FUT1: variants seen among roughly 807,000 people sequenced by gnomAD.
FUT1 encodes fucosyltransferase 1 (H blood group), also known as galactoside alpha-(1,2)-fucosyltransferase 1.
For missense variants in FUT1, 476 were observed against 492.7 expected (o/e 0.97, Z 0.32); for synonymous variants, 215 against 208.7 (o/e 1.03, Z -0.26).
chr19:48,748,655 CA>C lies in FUT1; in HGVS notation c.*1528del, dbSNP rs1295288067. On this transcript the variant is annotated 3_prime_UTR_variant, in exon 2 of 2. Coordinates refer to ENST00000645652, the MANE Select transcript of FUT1 (RefSeq NM_001384359.1). ...ACGTTCACATTTTAGCCTGTCTGCT[CA>C]AAACAAACAAAAAAAAGTCTTTGAG... The C allele has an allele frequency of 2.0e-5, 3 of 152,234 alleles. No individual in the cohort carries two copies. Among genetic ancestry groups the C allele is most frequent in the African/African-American group, 7.2e-5 (3 of 41,412 alleles). 9.4% of individuals were successfully genotyped at this position (152,234 alleles called of 1,614,324 possible).
rs2033957294 is a variant in FUT1 at position 48,749,307 on chromosome 19, A to T, written c.*877T>A. 1 of 138,458 alleles carries T rather than the reference A, an allele frequency of 7.2e-6. No individual in the cohort carries two copies. The highest frequency in any genetic ancestry group is 2.7e-5 in the African/African-American group (1 of 37,568). 8.6% of individuals were successfully genotyped at this position (138,458 alleles called of 1,614,324 possible). A position where few individuals can be genotyped will look rare whatever the true frequency, so the allele number is the denominator to read the frequency against. On this transcript the variant is annotated 3_prime_UTR_variant, in exon 2 of 2. Transcript: ENST00000645652. The stretch of plus-strand genomic sequence containing the variant: ...CTCCGTCTCAATAAATAAATAAATA[A>T]ATAAATAATTAAAAAAAAAATATCC...
In FUT1 at chr19:48,748,647, T is replaced by G. The variant is rs540089584; in HGVS notation, c.*1537A>C. 6.6e-6 allele frequency: 1 copy of G among 152,442 alleles called. No individual in the cohort carries two copies. The highest frequency in any genetic ancestry group is 1.5e-5 in the Non-Finnish European group (1 of 68,016). The allele number at this position is 152,442 out of a possible 1,614,324, so 9.4% of individuals were successfully genotyped here. On this transcript the variant is annotated 3_prime_UTR_variant, in exon 2 of 2. Coordinates refer to ENST00000645652, the MANE Select transcript of FUT1 (RefSeq NM_001384359.1). Reference sequence around the variant, plus strand: ...CTCACCCCACGTTCACATTTTAGCCTGTCTGCTCAAAACAAACAAAAAAAA... The same window carrying G: ...CTCACCCCACGTTCACATTTTAGCCGGTCTGCTCAAAACAAACAAAAAAAA...
Position 48,751,184 on chromosome 19 carries a change from G to A in FUT1, c.98C>T (p.Pro33Leu). The change falls in exon 2 of 2, where the codon CCA becomes CTA. Residue 33 changes from proline (P) to leucine (L), a missense_variant. Transcript: ENST00000645652. ...CAGGATCGACAGGCCTAGGCCATGT[G>A]GAAAGCTGTCTTGATGGATATGGAG... ...FFLHIHQDSF[P>L]HGLGLSILCP... 6.2e-7 allele frequency: 1 copy of A among 1,614,190 alleles called. No homozygotes were observed. The highest frequency in any genetic ancestry group is 1.6e-4 in the Middle Eastern group (1 of 6,062).
upstream of FUT1, chr19:48,753,717 AG>A (rs1389872206): frequency 6.4e-6 from 1 of 155,308 alleles, no homozygotes; most frequent in South Asian, 1.7e-4. Context: ...ATACAAGACA[AG>A]GGGGGGCAGG....
Position 48,751,099 on chromosome 19 carries a change from C to A in FUT1, c.183G>T (p.Ala61=). The A allele has an allele frequency of 1.2e-6, 2 of 1,612,590 alleles. No individual in the cohort carries two copies. Among genetic ancestry groups the A allele is most frequent in the Non-Finnish European group, 1.7e-6 (2 of 1,178,838 alleles). The change falls in exon 2 of 2, where the codon GCG becomes GCT. Residue 61 remains alanine, a synonymous_variant. Coordinates refer to ENST00000645652, the MANE Select transcript of FUT1 (RefSeq NM_001384359.1). ...AGGAAGAGGAGGCGTTGGGGCCCAT[C>A]GCAGTACCCGGCAGGCAGAAGATGG... The part of the protein sequence containing the change: ...PVAIFCLPGT[A]MGPNASSSCP...
chr19:48,750,450 C>T lies in FUT1; in HGVS notation c.832G>A (p.Asp278Asn), dbSNP rs2033978007. 7 of 1,614,244 alleles carry T rather than the reference C, an allele frequency of 4.3e-6. No individual in the cohort carries two copies. The highest frequency in any genetic ancestry group is 5.9e-6 in the Non-Finnish European group (7 of 1,180,052). The change falls in exon 2 of 2, where the codon GAT becomes AAT. Residue 278 changes from aspartate (D) to asparagine (N), a missense_variant. Asp to Asn is a conservative substitution (Grantham distance 23, BLOSUM62 1). Coordinates refer to ENST00000645652, the MANE Select transcript of FUT1 (RefSeq NM_001384359.1). ...CKENIDTSQG[D>N]VTFAGDGQEA... ...TGTCCATCGCCAGCAAACGTCACAT[C>T]GCCCTGGGAGGTGTCGATGTTTTCT...
Position 48,750,663 on chromosome 19 carries a change from T to C in FUT1, c.619A>G (p.Thr207Ala). ...SVLGQLRLGR[T>A]GDRPRTFVGV... is the part of the protein sequence containing the mutation. ...ACAAAGGTGCGCGGGCGGTCCCCTG[T>C]GCGGCCCAGGCGGAGCTGACCCAGC... is the stretch of plus-strand genomic sequence containing the variant. Residue 207 changes from threonine (T) to alanine (A), a missense_variant, in exon 2 of 2, where the codon ACA becomes GCA. Thr to Ala is a moderately conservative substitution (Grantham distance 58). Coordinates refer to ENST00000645652, the MANE Select transcript of FUT1 (RefSeq NM_001384359.1). 6.2e-7 allele frequency: 1 copy of C among 1,612,934 alleles called. No individual in the cohort carries two copies. The highest frequency in any genetic ancestry group is 1.1e-5 in the South Asian group (1 of 91,090).
At position 48,752,422 on chromosome 19, in the gene FUT1, C is replaced by A; in HGVS notation, c.-3+68G>T. The stretch of plus-strand genomic sequence containing the variant: ...AGACCTGGAGAAGAGGTTGGGGGTG[C>A]ACCTCCTGGTTCTGAAGGAGTTGTT... On this transcript the variant is annotated intron_variant, in intron 1 of 1. Coordinates refer to ENST00000645652, the MANE Select transcript of FUT1 (RefSeq NM_001384359.1). This position sits in a 1 kb window ranked among gnomAD's most constrained non-coding sequence, Gnocchi z 4.3. 2.1e-6 allele frequency: 2 copies of A among 941,374 alleles called. No homozygotes were observed. Among genetic ancestry groups the A allele is most frequent in the Non-Finnish European group, 2.5e-6 (2 of 789,640 alleles). The allele number at this position is 941,374 out of a possible 1,614,324, so 58.3% of individuals were successfully genotyped here.
rs1255991998 is a variant in FUT1 at position 48,749,533 on chromosome 19, G to GT, written c.*650_*651insA. Reference sequence around the variant, plus strand: ...GGAGGCTGAGACAGGAGAATCGCTTGAACACAGGAGGCGGAAGTTGCAGTG... The same window carrying GT: ...GGAGGCTGAGACAGGAGAATCGCTTGTAACACAGGAGGCGGAAGTTGCAGTG... On this transcript the variant is annotated 3_prime_UTR_variant, in exon 2 of 2. Coordinates refer to ENST00000645652, the MANE Select transcript of FUT1 (RefSeq NM_001384359.1). The GT allele has an allele frequency of 4.7e-5, 7 of 147,712 alleles. No individual in the cohort carries two copies. In the East Asian group the frequency reaches 1.4e-3, roughly 30 times the overall value. The allele number at this position is 147,712 out of a possible 1,614,324, so 9.2% of individuals were successfully genotyped here. A position where few individuals can be genotyped will look rare whatever the true frequency, so the allele number is the denominator to read the frequency against.
rs983007616 is a variant in FUT1 at position 48,748,035 on chromosome 19, T to C, written c.*2149A>G. On this transcript the variant is annotated 3_prime_UTR_variant, in exon 2 of 2. Coordinates refer to ENST00000645652, the MANE Select transcript of FUT1 (RefSeq NM_001384359.1). ...GTTAGTGCTGTAGACTTTTAATTCA[T>C]ACCTCCTGCTCTCTCACCCGTGGCA... 1.3e-5 allele frequency: 2 copies of C among 152,144 alleles called. No homozygotes were observed. The highest frequency in any genetic ancestry group is 4.8e-5 in the African/African-American group (2 of 41,368). The allele number at this position is 152,144 out of a possible 1,614,324, so 9.4% of individuals were successfully genotyped here.
At chr19:48,754,185 CAAAA>C (rs4002472), upstream of FUT1, among the ~76,000 whole-genome samples, 12 of 73,530 alleles carry the variant, frequency 1.6e-4, no homozygotes, top group Admixed American at 7.5e-4. Flanking sequence ...GACTCCGCCT[CAAAA>C]AAAAAAAAAA....
At chr19:48,752,933 G>A (rs1453556157), upstream of FUT1, 2 of 980,818 alleles carry the variant, frequency 2.0e-6, no homozygotes, top group South Asian at 4.7e-5. The surrounding 1 kb of genome is among the most constrained non-coding windows in gnomAD (Gnocchi z 4.3). Flanking sequence ...TGGACCAGGA[G>A]ACGGAGCGCC....
At chr19:48,751,952 CA>C (rs148521911) in intron 1 of FUT1, among the ~76,000 whole-genome samples, 3 of 148,618 alleles carry the variant, frequency 2.0e-5, no homozygotes, top group East Asian at 2.0e-4. Flanking sequence ...ACTCCGTCTC[CA>C]AAAAAAAATA....
upstream of FUT1, chr19:48,752,967 G>A: frequency 2.2e-6 from 2 of 898,592 alleles, no homozygotes; most frequent in Non-Finnish European, 2.7e-6. This position sits in a 1 kb window ranked among gnomAD's most constrained non-coding sequence, Gnocchi z 4.3. Context: ...GGAGCCGGGA[G>A]GTCCAATCCG....
At position 48,750,810 on chromosome 19, in the gene FUT1, T is replaced by C. The variant is rs1410852035; in HGVS notation, c.472A>G (p.Arg158Gly). ...CCAGAGAGCTTCAGGAAAGGATCTC[T>C]CAAGTCCGCGTACTCCTCCGACATC... ...DWMSEEYADL[R>G]DPFLKLSGFP... Residue 158 changes from arginine to glycine, a missense_variant, in exon 2 of 2, where the codon AGA (arginine) becomes GGA (glycine). Arg to Gly is a moderately radical substitution (Grantham distance 125). Transcript: ENST00000645652. 1 of 1,613,898 alleles carries C rather than the reference T, an allele frequency of 6.2e-7. No homozygotes were observed. Among genetic ancestry groups the C allele is most frequent in the Admixed American group, 1.7e-5 (1 of 60,022 alleles).
chr19:48,754,154 C>G (rs1263477874), upstream of FUT1, among the ~76,000 whole-genome samples: 3 of 148,840 alleles, frequency 2.0e-5, no homozygotes, highest in Non-Finnish European at 4.4e-5. Flanking sequence ...CCACTGCACT[C>G]CAGCCTGGGG....
At chr19:48,753,031 G>T, upstream of FUT1, 1 of 444,140 alleles carries the variant, frequency 2.3e-6, no homozygotes, top group Non-Finnish European at 3.0e-6. Context: ...ACACCTGGGT[G>T]CTTCGAGCCT....
In FUT1 at chr19:48,750,718, G is replaced by C; in HGVS notation, c.564C>G (p.His188Gln). 6.2e-7 allele frequency: 1 copy of C among 1,613,550 alleles called. No homozygotes were observed. The highest frequency in any genetic ancestry group is 8.5e-7 in the Non-Finnish European group (1 of 1,179,996). Residue 188 changes from histidine (H) to glutamine (Q), a missense_variant, in exon 2 of 2, where the codon CAC (histidine) becomes CAG (glutamine). Transcript: ENST00000645652. ...REQIRREFTL[H>Q]DHLREEAQSV... ...TCTGCGCCTCTTCCCGAAGGTGGTC[G>C]TGCAGGGTGAACTCTCTGCGGATCT... is the stretch of plus-strand genomic sequence containing the variant.
chr19:48,749,290 C>CAAAAAATAAATA lies in FUT1; in HGVS notation c.*893_*894insTATTTATTTTTT, dbSNP rs28745911. ...TGGGCTACAGAGCAAGACTCCGTCTCAATAAATAAATAAATAAATAAATAA... is the reference window on the plus strand; with the variant it reads ...TGGGCTACAGAGCAAGACTCCGTCTCAAAAAATAAATAAATAAATAAATAAATAAATAAATAA... On this transcript the variant is annotated 3_prime_UTR_variant, in exon 2 of 2. Transcript: ENST00000645652. The CAAAAAATAAATA allele has an allele frequency of 4.8e-5, 7 of 147,200 alleles. No homozygotes were observed. The highest frequency in any genetic ancestry group is 1.7e-4 in the African/African-American group (7 of 40,058). The allele number at this position is 147,200 out of a possible 1,614,324, so 9.1% of individuals were successfully genotyped here. A position where few individuals can be genotyped will look rare whatever the true frequency, so the allele number is the denominator to read the frequency against.
Sources: gnomAD v4.1 joint callset for allele counts (sites outside exome capture counted in the v4.1 genomes callset) on GRCh38, gnomAD v4.1.1 for gene constraint, Gnocchi (gnomAD v3.1) non-coding constraint, MANE v1.5 for transcripts, NCBI Gene and HGNC (gene_info 2026-07-23, HGNC 2026-07-21) for gene names.